Variants in DNAAF11 observed in about 807,000 individuals in gnomAD.
DNAAF11 encodes dynein axonemal assembly factor 11.
Under a neutral mutation model 60.8 loss-of-function variants are expected in DNAAF11, and 45 were observed. That is an observed-to-expected ratio of 0.74 (90% CI 0.58 to 0.95). The LOEUF is 0.95. DNAAF11 is among the 40% of genes least tolerant of loss of function. The pLI is 0.00. For synonymous variants in DNAAF11, 191 were observed against 183.5 expected, an observed-to-expected ratio of 1.04 and a Z score of -0.33; for missense variants, 546 against 546.2, an observed-to-expected ratio of 1.00 and a Z score of 0.00.
intron 6 of DNAAF11, 86 bp downstream of exon 6, chr8:132,625,186 C>T (rs953836798): frequency 6.5e-6 from 7 of 1,070,438 alleles, no homozygotes; most frequent in African/African-American, 6.4e-5. Flanking sequence ...AGGTTTAACA[C>T]AAATAATGGG....
At chr8:132,597,391 G>A (rs934216534) in intron 10 of DNAAF11, among the ~76,000 whole-genome samples, 6 of 152,158 alleles carry the variant, frequency 3.9e-5, no homozygotes, top group African/African-American at 9.6e-5. Context: ...TCCAGTGCCC[G>A]CAAAGCTGAT....
At chr8:132,643,549 T>C (rs568558392) in intron 3 of DNAAF11, 18 of 441,030 alleles carry the variant, frequency 4.1e-5, no homozygotes, top group Non-Finnish European at 7.8e-5. Flanking sequence ...TGGGTCCGTA[T>C]GCCATATTTC....
chr8:132,674,716 C>A (rs1346507252), intron 1 of DNAAF11, among the ~76,000 whole-genome samples: 1 of 152,192 alleles, frequency 6.6e-6, no homozygotes, highest in Non-Finnish European at 1.5e-5. Flanking sequence ...TGGCAAAACC[C>A]CGTCTCTACT....
intron 10 of DNAAF11, 83 bp downstream of exon 10, chr8:132,610,083 A>G: frequency 1.1e-6 from 1 of 904,288 alleles, no homozygotes; most frequent in South Asian, 1.4e-5. Context: ...TTTAATCAGA[A>G]GTCATCATTA....
At chr8:132,675,323 G>A (rs1825686423) in intron 1 of DNAAF11, 161 bp downstream of exon 1, 1 of 683,272 alleles carries the variant, frequency 1.5e-6, no homozygotes, top group African/African-American at 1.9e-5. Flanking sequence ...AGGACCTGGT[G>A]CAGCCGGGGC....
At chr8:132,677,754 G>A (rs138431161), upstream of DNAAF11, among the ~76,000 whole-genome samples, 2 of 152,208 alleles carry the variant, frequency 1.3e-5, no homozygotes, top group African/African-American at 4.8e-5. Context: ...AAATCGGGGT[G>A]CTGGTGCGTT....
the DNAAF11 span, among the ~76,000 whole-genome samples, chr8:132,684,226 C>A: frequency 6.6e-6 from 1 of 152,186 alleles, no homozygotes; most frequent in Admixed American, 6.5e-5. Context: ...ACTCACAGAA[C>A]TTCCTGGAAG....
chr8:132,685,571 T>C, the DNAAF11 span, among the ~76,000 whole-genome samples: 1 of 152,226 alleles, frequency 6.6e-6, no homozygotes, highest in Admixed American at 6.5e-5. Context: ...GGCTGGCATC[T>C]GCTAAAAATG....
At chr8:132,623,562 C>A (rs1011787570) in intron 6 of DNAAF11, among the ~76,000 whole-genome samples, 8 of 151,936 alleles carry the variant, frequency 5.3e-5, no homozygotes, top group African/African-American at 1.9e-4. Context: ...TATGTAAATT[C>A]TATTTAAAAG....
chr8:132,630,189 T>A lies in DNAAF11; in HGVS notation c.653+2551A>T, dbSNP rs150897599. 4.5e-3 allele frequency among the ~76,000 whole-genome samples: 692 copies of A among 152,308 alleles called. 4 individuals carry two copies. Among genetic ancestry groups the A allele is most frequent in the Non-Finnish European group, 7.5e-3 (507 of 68,014 alleles). On this transcript the variant is annotated intron_variant, in intron 5 of 11. Coordinates refer to ENST00000620350, the MANE Select transcript of DNAAF11 (RefSeq NM_012472.6). ...AGTAAAGAACTAAAAATAGCCAAGA[T>A]AACTTTGAAAAATGAGAATATCTCC...
At chr8:132,652,550 G>A (rs1586700139) in intron 3 of DNAAF11, among the ~76,000 whole-genome samples, 1 of 152,090 alleles carries the variant, frequency 6.6e-6, no homozygotes, top group African/African-American at 2.4e-5. Context: ...GAACATAGAA[G>A]TTTAGAAGAA....
chr8:132,639,489 G>A (rs896816724), intron 3 of DNAAF11, among the ~76,000 whole-genome samples: 1 of 151,862 alleles, frequency 6.6e-6, no homozygotes, highest in African/African-American at 2.4e-5. Context: ...GTGAATTTTG[G>A]TTCCTGATAG....
intron 1 of DNAAF11, among the ~76,000 whole-genome samples, chr8:132,671,655 T>C (rs1825198184): frequency 6.6e-6 from 1 of 152,114 alleles, no homozygotes; most frequent in Non-Finnish European, 1.5e-5. Flanking sequence ...ATCAAGACAG[T>C]GTGAAATTGG....
intron 1 of DNAAF11, among the ~76,000 whole-genome samples, chr8:132,672,214 A>T (rs1825255539): frequency 6.6e-6 from 1 of 152,224 alleles, no homozygotes; most frequent in Admixed American, 6.5e-5. Context: ...AGATCTATAG[A>T]TGACAAATGT....
chr8:132,649,187 A>C (rs1203719086), intron 3 of DNAAF11, among the ~76,000 whole-genome samples: 2 of 152,216 alleles, frequency 1.3e-5, no homozygotes, highest in Admixed American at 1.3e-4. Flanking sequence ...CCAATGGAAC[A>C]CAACAGAGCC....
chr8:132,595,875 C>A lies in DNAAF11; in HGVS notation c.1141-12096G>T, dbSNP rs1272133129. 3.3e-5 allele frequency among the ~76,000 whole-genome samples: 5 copies of A among 152,244 alleles called. No individual in the cohort carries two copies. In the East Asian group the frequency reaches 9.6e-4, roughly 29 times the overall value. ...CCGTGAGAAGGCTGTCCAAGGTAGTCCAGTTGGGGGAGGACACTGGCTTGA... is the reference window on the plus strand; with the variant it reads ...CCGTGAGAAGGCTGTCCAAGGTAGTACAGTTGGGGGAGGACACTGGCTTGA... On this transcript the variant is annotated intron_variant, in intron 10 of 11. Coordinates refer to ENST00000620350, the MANE Select transcript of DNAAF11 (RefSeq NM_012472.6).
At chr8:132,630,917 T>C (rs901118961) in intron 5 of DNAAF11, among the ~76,000 whole-genome samples, 1 of 152,196 alleles carries the variant, frequency 6.6e-6, no homozygotes, top group Non-Finnish European at 1.5e-5. Flanking sequence ...AACTCTTGTA[T>C]ATTGTTGATA....
intron 3 of DNAAF11, 53 bp downstream of exon 3, chr8:132,656,777 A>G (rs1823616594): frequency 1.2e-6 from 1 of 853,046 alleles, no homozygotes; most frequent in African/African-American, 1.7e-5. Context: ...TGGCCTTCTA[A>G]CTTAAAATCT....
chr8:132,623,418 A>C (rs573189754), intron 6 of DNAAF11, among the ~76,000 whole-genome samples: 1 of 152,140 alleles, frequency 6.6e-6, no homozygotes, highest in Non-Finnish European at 1.5e-5. Flanking sequence ...ATACAATTAC[A>C]AAGAGCAAAA....
Sources: allele counts gnomAD v4.1 joint callset (sites outside exome capture counted in the v4.1 genomes callset), GRCh38; gene constraint gnomAD v4.1.1; transcripts MANE v1.5; gene names NCBI Gene and HGNC (gene_info 2026-07-23, HGNC 2026-07-21).